The following MAPK8 variants were observed in gnomAD, a reference collection of about 807,000 sequenced individuals.
MAPK8 encodes the protein JUN N-terminal kinase.
In MAPK8, 13 loss-of-function variants were observed where a neutral mutation model predicts 52.9. The observed-to-expected ratio is 0.25, with a 90% CI of 0.16 to 0.39. The LOEUF (loss-of-function observed/expected upper bound fraction) is 0.39, where lower values mean the gene tolerates loss of function less well. Among genes scored for constraint, MAPK8 ranks in the 10% least tolerant of loss-of-function variants. The probability of loss-of-function intolerance (pLI) is 1.00; values close to 1 mark genes in which losing one functional copy is unlikely to be tolerated. For synonymous variants in MAPK8, 191 were observed against 169.8 expected (o/e 1.12, Z -0.97); for missense variants, 300 against 519.2 (o/e 0.58, Z 4.10).
intron 1 of MAPK8, among the ~76,000 whole-genome samples, chr10:48,320,117 T>C (rs550335070): frequency 1.3e-5 from 2 of 150,754 alleles, no homozygotes; most frequent in East Asian, 3.9e-4. Context: ...GGTTTCTCCA[T>C]GTTGGTCAGG....
chr10:48,376,853 A>C (rs1433486717), intron 1 of MAPK8, among the ~76,000 whole-genome samples: 1 of 152,220 alleles, frequency 6.6e-6, no homozygotes, highest in Admixed American at 6.5e-5. Context: ...TTGACCCAGC[A>C]ATCCCATTAC....
At chr10:48,381,813 A>G (rs1307310172) in intron 1 of MAPK8, among the ~76,000 whole-genome samples, 1 of 152,216 alleles carries the variant, frequency 6.6e-6, no homozygotes, top group Non-Finnish European at 1.5e-5. Flanking sequence ...TAAACCTAAC[A>G]TGACTTCAAA....
At chr10:48,422,814 A>T (rs183847196) in intron 6 of MAPK8, among the ~76,000 whole-genome samples, 5 of 152,330 alleles carry the variant, frequency 3.3e-5, no homozygotes, top group African/African-American at 1.2e-4. Context: ...CTTTAGTTCC[A>T]CAGTATTTCC....
intron 5 of MAPK8, among the ~76,000 whole-genome samples, chr10:48,411,885 A>G (rs1051923141): frequency 1.4e-5 from 1 of 69,564 alleles, no homozygotes; most frequent in Non-Finnish European, 2.7e-5. Context: ...CTCCCCTCCC[A>G]TTTGTCTTGT....
intron 8 of MAPK8, 101 bp from the exon 9 acceptor site, chr10:48,426,279 T>C: frequency 9.3e-7 from 1 of 1,076,508 alleles, no homozygotes; most frequent in Non-Finnish European, 1.3e-6. Context: ...CAGTAATATT[T>C]TTAAAACATA....
intron 5 of MAPK8, among the ~76,000 whole-genome samples, chr10:48,412,239 T>A (rs1245334298): frequency 3.3e-5 from 5 of 152,228 alleles, no homozygotes; most frequent in African/African-American, 9.6e-5. Flanking sequence ...GGATCTTTTA[T>A]AAGTGACAAA....
chr10:48,347,291 A>G lies in MAPK8; in HGVS notation c.-50+40470A>G, dbSNP rs118049190. Reference sequence around the variant, plus strand: ...TAATAACCCAAATATCCAGGTTTCAATGAAAAAAACCTCTCATACCAAGAA... The same window carrying G: ...TAATAACCCAAATATCCAGGTTTCAGTGAAAAAAACCTCTCATACCAAGAA... On this transcript the variant is annotated intron_variant, in intron 1 of 11. Coordinates refer to ENST00000374189, the MANE Select transcript of MAPK8 (RefSeq NM_001323329.2). 2.2e-4 allele frequency among the ~76,000 whole-genome samples: 34 copies of G among 152,332 alleles called. No individual in the cohort carries two copies. In the East Asian group the frequency reaches 4.6e-3, roughly 21 times the overall value.
chr10:48,310,532 T>C (rs1841878006), intron 1 of MAPK8, among the ~76,000 whole-genome samples: 1 of 152,186 alleles, frequency 6.6e-6, no homozygotes, highest in Non-Finnish European at 1.5e-5. Flanking sequence ...TGAGACCGTA[T>C]GCTCCCAGAG....
Position 48,426,382 on chromosome 10 carries a change from A to G in MAPK8, c.874A>G (p.Ser292Gly), listed in dbSNP as rs1159852187. 1.2e-6 allele frequency: 2 copies of G among 1,604,354 alleles called. No homozygotes were observed. Among genetic ancestry groups the G allele is most frequent in the African/African-American group, 2.7e-5 (2 of 74,434 alleles). ...CATTAACACCATTATGTTTGCAGCC[A>G]GTCAGGCAAGGGATTTGTTATCCAA... Reference protein sequence around the residue: ...ADSEHNKLKASQARDLLSKML... With the variant: ...ADSEHNKLKAGQARDLLSKML... Residue 292 changes from serine to glycine, a missense_variant and splice_region_variant, in exon 9 of 12, where the codon AGT becomes GGT. Transcript: ENST00000374189.
intron 5 of MAPK8, among the ~76,000 whole-genome samples, chr10:48,417,194 C>G (rs905270830): frequency 5.9e-5 from 9 of 152,140 alleles, no homozygotes; most frequent in African/African-American, 2.2e-4. Flanking sequence ...GGATCATAGA[C>G]CTTTGGCGTT....
chr10:48,416,804 T>G (rs1485079510), intron 5 of MAPK8, among the ~76,000 whole-genome samples: 1 of 152,234 alleles, frequency 6.6e-6, no homozygotes, highest in Non-Finnish European at 1.5e-5. Context: ...GACTGATCTC[T>G]GTGGTTCTCT....
chr10:48,383,063 G>A (rs2041108406), intron 1 of MAPK8, among the ~76,000 whole-genome samples: 1 of 151,472 alleles, frequency 6.6e-6, no homozygotes, highest in Admixed American at 6.6e-5. Flanking sequence ...GATTTTAGCT[G>A]GAATAAACAG....
chr10:48,379,653 T>A (rs889979041), intron 1 of MAPK8, among the ~76,000 whole-genome samples: 37 of 152,136 alleles, frequency 2.4e-4, no homozygotes, highest in Admixed American at 1.6e-3. Flanking sequence ...GAATCAACAA[T>A]GTTTCAAACA....
At chr10:48,327,417 A>G (rs915220057) in intron 1 of MAPK8, among the ~76,000 whole-genome samples, 2 of 152,222 alleles carry the variant, frequency 1.3e-5, no homozygotes, top group South Asian at 4.1e-4. Context: ...CCAGCCTTGC[A>G]TACCTGGGAT....
At chr10:48,400,487 C>T (rs561937250) in intron 1 of MAPK8, among the ~76,000 whole-genome samples, 2 of 152,306 alleles carry the variant, frequency 1.3e-5, no homozygotes, top group East Asian at 1.9e-4. Context: ...CTTGCTCCCC[C>T]TTTCTCCTGC....
At chr10:48,361,177 A>G (rs1380195559) in intron 1 of MAPK8, among the ~76,000 whole-genome samples, 1 of 152,186 alleles carries the variant, frequency 6.6e-6, no homozygotes, top group Non-Finnish European at 1.5e-5. Context: ...CCCACTTTTT[A>G]GAGTTCCACT....
chr10:48,380,837 T>G (rs1163423075), intron 1 of MAPK8, among the ~76,000 whole-genome samples: 2 of 152,190 alleles, frequency 1.3e-5, no homozygotes, highest in African/African-American at 2.4e-5. Flanking sequence ...AAACAGTCAT[T>G]TAAACAAAGT....
At chr10:48,348,283 A>G (rs571239910) in intron 1 of MAPK8, among the ~76,000 whole-genome samples, 1 of 152,302 alleles carries the variant, frequency 6.6e-6, no homozygotes, top group African/African-American at 2.4e-5. Flanking sequence ...GATTCTGGAT[A>G]TTAGCCCTTT....
Position 48,327,100 on chromosome 10 carries a change from TATG to T in MAPK8, c.-50+20283_-50+20285del, listed in dbSNP as rs148147207. ...TTATTGCAGTATTTAGGACTTTAGGTATGATGTTGAATAGGAGTAATGGGAGGA... is the reference window on the plus strand; with the variant it reads ...TTATTGCAGTATTTAGGACTTTAGGTATGTTGAATAGGAGTAATGGGAGGA... On this transcript the variant is annotated intron_variant, in intron 1 of 11. Transcript: ENST00000374189. Among the ~76,000 whole-genome samples, 23 of 152,330 alleles carry T rather than the reference TATG, an allele frequency of 1.5e-4. No homozygotes were observed. The East Asian group carries it at 4.4e-3, about 29-fold the overall frequency.
Sources: allele counts gnomAD v4.1 joint callset (sites outside exome capture counted in the v4.1 genomes callset), GRCh38; gene constraint gnomAD v4.1.1; transcripts MANE v1.5; gene names NCBI Gene and HGNC (gene_info 2026-07-23, HGNC 2026-07-21).